PSD3: variants seen among roughly 807,000 people sequenced by gnomAD.
PSD3 encodes PH and SEC7 domain-containing protein 3.
PSD3 carries 49 observed loss-of-function variants against 105.5 expected under a neutral mutation model. That is an observed-to-expected ratio of 0.46 (90% CI 0.37 to 0.59). PSD3 has a LOEUF of 0.59. Among genes scored for constraint, PSD3 ranks in the 20% least tolerant of loss-of-function variants. The pLI is 0.00. For missense variants in PSD3, 1,561 were observed against 1,263.8 expected, an observed-to-expected ratio of 1.24 and a Z score of -3.57; for synonymous variants, 557 against 457.8, an observed-to-expected ratio of 1.22 and a Z score of -2.77.
At chr8:18,617,499 C>A (rs879436442) in intron 11 of PSD3, among the ~76,000 whole-genome samples, 1 of 152,166 alleles carries the variant, frequency 6.6e-6, no homozygotes, top group East Asian at 1.9e-4. Flanking sequence ...CCATTGCACT[C>A]CAGCCTGGGT....
chr8:18,676,593 C>T (rs1406218638), intron 9 of PSD3, among the ~76,000 whole-genome samples: 9 of 152,132 alleles, frequency 5.9e-5, no homozygotes, highest in Non-Finnish European at 1.0e-4. Flanking sequence ...TAGGAAATGC[C>T]GAACAATTGA....
chr8:18,817,718 G>A lies in PSD3; in HGVS notation c.1635-12820C>T, dbSNP rs73580714. Among the ~76,000 whole-genome samples the A allele has an allele frequency of 9.7e-4, 147 of 152,224 alleles. 2 individuals are homozygous for A. The South Asian group carries it at 0.026, about 27-fold the overall frequency. ...TTATTGTAAGCAATTTCCTTATTAC[G>A]GAATCTAGAGACTCTGATCAGCGGA... On this transcript the variant is annotated intron_variant, in intron 4 of 15. Coordinates refer to ENST00000327040, the MANE Select transcript of PSD3 (RefSeq NM_015310.4).
intron 8 of PSD3, among the ~76,000 whole-genome samples, chr8:18,775,763 T>C (rs1020349380): frequency 1.3e-5 from 2 of 152,216 alleles, no homozygotes; most frequent in Non-Finnish European, 2.9e-5. Context: ...AAATATCTTC[T>C]ACCATTCTGT....
chr8:18,818,144 G>T (rs1033495242), intron 4 of PSD3, among the ~76,000 whole-genome samples: 1 of 152,036 alleles, frequency 6.6e-6, no homozygotes, highest in African/African-American at 2.4e-5. Context: ...TAGTAGAGAA[G>T]GGGTTTTGCC....
chr8:18,829,710 C>T (rs143685868), intron 4 of PSD3, among the ~76,000 whole-genome samples: 241 of 152,276 alleles, frequency 1.6e-3, no homozygotes, highest in African/African-American at 5.4e-3. Flanking sequence ...CATGACTTCA[C>T]AATCTCGTAG....
At chr8:18,601,476 C>A (rs1308299306) in intron 11 of PSD3, among the ~76,000 whole-genome samples, 2 of 152,158 alleles carry the variant, frequency 1.3e-5, no homozygotes, top group African/African-American at 4.8e-5. Context: ...TCCTTTAAAT[C>A]TCTTTTGACT....
At chr8:18,811,148 G>A (rs184277473) in intron 4 of PSD3, among the ~76,000 whole-genome samples, 2 of 152,300 alleles carry the variant, frequency 1.3e-5, no homozygotes, top group Admixed American at 1.3e-4. Context: ...CATTTACTAT[G>A]TGCCAGCCTC....
intron 8 of PSD3, among the ~76,000 whole-genome samples, chr8:18,771,316 C>T (rs556494567): frequency 1.3e-5 from 2 of 152,302 alleles, no homozygotes; most frequent in Admixed American, 1.3e-4. Context: ...CCCAGAATTT[C>T]CCTGCCTCTT....
At chr8:18,844,065 T>C (rs1468911731) in intron 4 of PSD3, among the ~76,000 whole-genome samples, 1 of 152,134 alleles carries the variant, frequency 6.6e-6, no homozygotes, top group African/African-American at 2.4e-5. Context: ...ACAAGACAGA[T>C]GTCCAGCAGC....
chr8:18,621,748 C>T (rs905778144), intron 11 of PSD3, among the ~76,000 whole-genome samples: 5 of 152,152 alleles, frequency 3.3e-5, no homozygotes, highest in African/African-American at 1.2e-4. Context: ...GAAGGGAAAA[C>T]CTTAGCCTAG....
intron 2 of PSD3, among the ~76,000 whole-genome samples, chr8:18,934,671 T>A (rs1226482489): frequency 6.6e-6 from 1 of 152,214 alleles, no homozygotes; most frequent in African/African-American, 2.4e-5. Context: ...TAAGTCACTA[T>A]AATCCCATTT....
intron 1 of PSD3, among the ~76,000 whole-genome samples, chr8:19,054,954 C>T (rs1828659341): frequency 6.6e-6 from 1 of 152,178 alleles, no homozygotes; most frequent in South Asian, 2.1e-4. Flanking sequence ...CACCTGGGCA[C>T]AGGGAAGACT....
intron 8 of PSD3, among the ~76,000 whole-genome samples, chr8:18,782,454 C>CT (rs1345051061): frequency 6.6e-6 from 1 of 152,106 alleles, no homozygotes; most frequent in Non-Finnish European, 1.5e-5. Flanking sequence ...TCAGTGGTGT[C>CT]TATGAGTTCC....
chr8:18,803,669 T>TA (rs1333223318), intron 6 of PSD3, among the ~76,000 whole-genome samples: 1 of 151,932 alleles, frequency 6.6e-6, no homozygotes, highest in East Asian at 1.9e-4. Flanking sequence ...TATGCTAAGT[T>TA]AAATGAATCA....
intron 1 of PSD3, among the ~76,000 whole-genome samples, chr8:19,071,141 C>A (rs1461397383): frequency 6.6e-6 from 1 of 151,812 alleles, no homozygotes; most frequent in Non-Finnish European, 1.5e-5. Context: ...CTCACTGCAA[C>A]CTCCGCCTCC....
At chr8:18,949,244 A>AAAAAAAAAATATATATAT (rs1345423514) in intron 1 of PSD3, among the ~76,000 whole-genome samples, 4 of 14,394 alleles carry the variant, frequency 2.8e-4, no homozygotes, top group Non-Finnish European at 7.2e-4. Flanking sequence ...AAAAAAAAAA[A>AAAAAAAAAATATATATAT]ATATATATAT....
chr8:18,745,214 C>A (rs2129435870), intron 9 of PSD3, among the ~76,000 whole-genome samples: 1 of 152,266 alleles, frequency 6.6e-6, no homozygotes, highest in South Asian at 2.1e-4. Context: ...ACACAAATAT[C>A]CTGTTTCTTC....
chr8:18,848,730 G>T (rs1815321484), intron 4 of PSD3, among the ~76,000 whole-genome samples: 1 of 152,106 alleles, frequency 6.6e-6, no homozygotes, highest in South Asian at 2.1e-4. Context: ...CAAAACACTG[G>T]CTTGTTGCTC....
chr8:18,925,195 G>A (rs937289821), intron 2 of PSD3, among the ~76,000 whole-genome samples: 6 of 152,054 alleles, frequency 3.9e-5, no homozygotes, highest in Admixed American at 2.0e-4. Context: ...GAGACCTGCC[G>A]GGGCAGCACA....
Sources: gnomAD v4.1 joint callset for allele counts (sites outside exome capture counted in the v4.1 genomes callset) on GRCh38, gnomAD v4.1.1 for gene constraint, MANE v1.5 for transcripts, NCBI Gene and HGNC (gene_info 2026-07-23, HGNC 2026-07-21) for gene names.